Variants in CDC42SE1 observed in about 807,000 individuals in gnomAD.
The protein encoded by CDC42SE1 is CDC42 small effector protein 1.
Under a neutral mutation model 10.9 loss-of-function variants are expected in CDC42SE1, and 10 were observed. The ratio of observed to expected loss-of-function variants is 0.92; its 90% CI spans 0.57 to 1.56. CDC42SE1 has a LOEUF of 1.56. CDC42SE1 is among the 40% of genes most tolerant of loss of function. CDC42SE1 has a pLI of 0.00. For missense variants in CDC42SE1, 81 were observed against 100.8 expected (o/e 0.80, Z 0.84); for synonymous variants, 24 against 32.0 (o/e 0.75, Z 0.85).
At position 151,052,812 on chromosome 1, in the gene CDC42SE1, T is replaced by C. The variant is rs781671983; in HGVS notation, c.*532A>G. 2 of 152,208 alleles carry C rather than the reference T, an allele frequency of 1.3e-5. No individual in the cohort carries two copies. The highest frequency in any genetic ancestry group is 2.9e-5 in the Non-Finnish European group (2 of 68,080). 9.4% of individuals were successfully genotyped at this position (152,208 alleles called of 1,614,324 possible). ...GGCTGTAAGCCTAAGGTTTGAAATC[T>C]AAAGATAGAGTGGAAAAGGGAGTAG... On this transcript the variant is annotated 3_prime_UTR_variant, in exon 5 of 5. Transcript: ENST00000357235.
In CDC42SE1 at chr1:151,057,459, G is replaced by A. The variant is rs972280367; in HGVS notation, c.-263-1466C>T. Among the ~76,000 whole-genome samples the A allele has an allele frequency of 6.6e-6, 1 of 151,620 alleles. No individual in the cohort carries two copies. The highest frequency in any genetic ancestry group is 1.5e-5 in the Non-Finnish European group (1 of 67,894). ...AATCGCTTGAACCGGAGATTGCAGT[G>A]AGCCGAGATCGCCACTGCACTCCAG... On this transcript the variant is annotated intron_variant, in intron 1 of 4. Coordinates refer to ENST00000357235, the MANE Select transcript of CDC42SE1 (RefSeq NM_020239.4). This position sits in a 1 kb window ranked among gnomAD's most constrained non-coding sequence, Gnocchi z 4.0.
rs1676312839 is a variant in CDC42SE1 at position 151,057,749 on chromosome 1, T to TC, written c.-264+1729_-264+1730insG. On this transcript the variant is annotated intron_variant, in intron 1 of 4. Transcript: ENST00000357235. This position sits in a 1 kb window ranked among gnomAD's most constrained non-coding sequence, Gnocchi z 4.0. ...CACACACACACACACAGAGGTTTTTTTTTTTTTTAACAGCCTTGAGATGAG... is the reference window on the plus strand; with the variant it reads ...CACACACACACACACAGAGGTTTTTTCTTTTTTTTAACAGCCTTGAGATGAG... 1.3e-5 allele frequency: 2 copies of TC among 151,188 alleles called. No individual in the cohort carries two copies. The highest frequency in any genetic ancestry group is 2.9e-5 in the Non-Finnish European group (2 of 68,070). The allele number at this position is 151,188 out of a possible 1,614,324, so 9.4% of individuals were successfully genotyped here.
chr1:151,054,213 G>A lies in CDC42SE1; in HGVS notation c.*16+18C>T, dbSNP rs368219233. On this transcript the variant is annotated intron_variant, in intron 4 of 4. Coordinates refer to ENST00000357235, the MANE Select transcript of CDC42SE1 (RefSeq NM_020239.4). Reference sequence around the variant, plus strand: ...TTATGGGGGCTGAGGTGTTAGATGGGTTTCTCTAATCACTCACCATTCCAT... The same window carrying A: ...TTATGGGGGCTGAGGTGTTAGATGGATTTCTCTAATCACTCACCATTCCAT... 2 of 1,498,900 alleles carry A rather than the reference G, an allele frequency of 1.3e-6. No homozygotes were observed. The highest frequency in any genetic ancestry group is 1.4e-5 in the African/African-American group (1 of 72,570). The allele number at this position is 1,498,900 out of a possible 1,614,324, so 92.9% of individuals were successfully genotyped here.
rs1472131394 is a variant in CDC42SE1 at position 151,052,543 on chromosome 1, TAAATG to T, written c.*796_*800del. 1 of 152,610 alleles carries T rather than the reference TAAATG, an allele frequency of 6.6e-6. No individual in the cohort carries two copies. The highest frequency in any genetic ancestry group is 1.9e-4 in the East Asian group (1 of 5,176). The allele number at this position is 152,610 out of a possible 1,614,324, so 9.5% of individuals were successfully genotyped here. ...AGGGCAGGAAAGATGCCCCAAAACT[TAAATG>T]GAATGTCATCAGGTGAAGAGCTACC... On this transcript the variant is annotated 3_prime_UTR_variant, in exon 5 of 5. Transcript: ENST00000357235.
rs1003208437 is a variant in CDC42SE1 at position 151,057,431 on chromosome 1, G to A, written c.-263-1438C>T. 2.6e-5 allele frequency among the ~76,000 whole-genome samples: 4 copies of A among 152,188 alleles called. No homozygotes were observed. The highest frequency in any genetic ancestry group is 9.6e-5 in the African/African-American group (4 of 41,458). ...CCAGCTACTTGGGAGGCTGAGGCAG[G>A]AGAATCGCTTGAACCGGAGATTGCA... On this transcript the variant is annotated intron_variant, in intron 1 of 4. Transcript: ENST00000357235. This position sits in a 1 kb window ranked among gnomAD's most constrained non-coding sequence, Gnocchi z 4.0.
chr1:151,058,877 G>A (rs1676340069), intron 1 of CDC42SE1: 1 of 152,438 alleles, frequency 6.6e-6, no homozygotes, highest in Non-Finnish European at 1.5e-5. Flanking sequence ...TGAAGCAGCT[G>A]GAGAGAAAGA....
At chr1:151,053,990 C>T (rs1272390252) in intron 4 of CDC42SE1, among the ~76,000 whole-genome samples, 2 of 151,802 alleles carry the variant, frequency 1.3e-5, no homozygotes, top group Admixed American at 6.6e-5. Context: ...CCACTGTGCC[C>T]GGCTAATTTT....
chr1:151,055,633 AACTG>A, intron 2 of CDC42SE1, 40 bp downstream of exon 2: 1 of 1,516,134 alleles, frequency 6.6e-7, no homozygotes, highest in Non-Finnish European at 9.1e-7. Flanking sequence ...AGCACACAGT[AACTG>A]ACTGCTCTTT....
rs984859820 is a variant in CDC42SE1, at chr1:151,055,906, C to T, written c.-176G>A. 7.9e-6 allele frequency: 5 copies of T among 635,942 alleles called. No homozygotes were observed. Among genetic ancestry groups the T allele is most frequent in the Middle Eastern group, 4.0e-4 (1 of 2,514 alleles). 39.4% of individuals were successfully genotyped at this position (635,942 alleles called of 1,614,324 possible). A position where few individuals can be genotyped will look rare whatever the true frequency, so the allele number is the denominator to read the frequency against. On this transcript the variant is annotated 5_prime_UTR_variant, in exon 2 of 5. Coordinates refer to ENST00000357235, the MANE Select transcript of CDC42SE1 (RefSeq NM_020239.4). ...GAACCTTTAACTGAGCAGTGAAGGTCAGTGTCTCAGAGCCTGAGAGATGAA... is the reference window on the plus strand; with the variant it reads ...GAACCTTTAACTGAGCAGTGAAGGTTAGTGTCTCAGAGCCTGAGAGATGAA...
chr1:151,055,310 G>A (rs1676258837), intron 2 of CDC42SE1, 184 bp from the exon 3 acceptor site: 6 of 606,294 alleles, frequency 9.9e-6, no homozygotes, highest in Admixed American at 5.7e-5. Context: ...GCACACAGAA[G>A]ACATGAACCA....
chr1:151,055,072 C>G lies in CDC42SE1; in HGVS notation c.109G>C (p.Val37Leu). Residue 37 changes from valine (V) to leucine (L), a missense_variant, in exon 3 of 5, where the codon GTT becomes CTT. Physicochemically the swap from Val to Leu is conservative, Grantham distance 32. Coordinates refer to ENST00000357235, the MANE Select transcript of CDC42SE1 (RefSeq NM_020239.4). ...CCTGAGCCAATGTGAGTCAGGTGAA[C>G]AAAATTCATTGGTTCCCCAATCATG... ...RTMIGEPMNF[V>L]HLTHIGSGEM... 3 of 1,613,836 alleles carry G rather than the reference C, an allele frequency of 1.9e-6. No homozygotes were observed. The highest frequency in any genetic ancestry group is 1.7e-6 in the Non-Finnish European group (2 of 1,179,990).
rs1676206690 is a variant in CDC42SE1 at position 151,052,816 on chromosome 1, G to C, written c.*528C>G. On this transcript the variant is annotated 3_prime_UTR_variant, in exon 5 of 5. Coordinates refer to ENST00000357235, the MANE Select transcript of CDC42SE1 (RefSeq NM_020239.4). ...GTAAGCCTAAGGTTTGAAATCTAAA[G>C]ATAGAGTGGAAAAGGGAGTAGGCAC... 6.6e-6 allele frequency: 1 copy of C among 152,244 alleles called. No individual in the cohort carries two copies. The highest frequency in any genetic ancestry group is 2.4e-5 in the African/African-American group (1 of 41,440). The allele number at this position is 152,244 out of a possible 1,614,324, so 9.4% of individuals were successfully genotyped here. A position where few individuals can be genotyped will look rare whatever the true frequency, so the allele number is the denominator to read the frequency against.
chr1:151,052,969 T>A lies in CDC42SE1; in HGVS notation c.*375A>T, dbSNP rs587688447. 1 of 152,450 alleles carries A rather than the reference T, an allele frequency of 6.6e-6. No individual in the cohort carries two copies. The highest frequency in any genetic ancestry group is 1.9e-4 in the East Asian group (1 of 5,184). The allele number at this position is 152,450 out of a possible 1,614,324, so 9.4% of individuals were successfully genotyped here. A position where few individuals can be genotyped will look rare whatever the true frequency, so the allele number is the denominator to read the frequency against. ...GATAATCTCACCCACCTACCCCATT[T>A]AAGGAGTTCCAGGTTTAAGAGTTTA... On this transcript the variant is annotated 3_prime_UTR_variant, in exon 5 of 5. Coordinates refer to ENST00000357235, the MANE Select transcript of CDC42SE1 (RefSeq NM_020239.4).
chr1:151,054,437 C>G, intron 3 of CDC42SE1, 116 bp from the exon 4 acceptor site: 1 of 801,200 alleles, frequency 1.2e-6, no homozygotes. Context: ...TAGCAGCCAT[C>G]TGCTAACCAC....
Position 151,057,748 on chromosome 1 carries a change from T to G in CDC42SE1, c.-264+1731A>C, listed in dbSNP as rs1676312781. ...ACACACACACACACACAGAGGTTTT[T>G]TTTTTTTTTAACAGCCTTGAGATGA... On this transcript the variant is annotated intron_variant, in intron 1 of 4. Transcript: ENST00000357235. The surrounding 1 kb of genome is among the most constrained non-coding windows in gnomAD (Gnocchi z 4.0). 2 of 151,138 alleles carry G rather than the reference T, an allele frequency of 1.3e-5. No individual in the cohort carries two copies. The highest frequency in any genetic ancestry group is 1.9e-4 in the East Asian group (1 of 5,130). 9.4% of individuals were successfully genotyped at this position (151,138 alleles called of 1,614,324 possible).
At chr1:151,053,996 A>G (rs1307886244) in intron 4 of CDC42SE1, among the ~76,000 whole-genome samples, 1 of 151,430 alleles carries the variant, frequency 6.6e-6, no homozygotes, top group Admixed American at 6.6e-5. Flanking sequence ...TGCCCGGCTA[A>G]TTTTTGTATT....
Position 151,056,011 on chromosome 1 carries a change from A to G in CDC42SE1, c.-263-18T>C. 1 of 492,140 alleles carries G rather than the reference A, an allele frequency of 2.0e-6. No homozygotes were observed. Among genetic ancestry groups the G allele is most frequent in the Non-Finnish European group, 3.7e-6 (1 of 270,984 alleles). 30.5% of individuals were successfully genotyped at this position (492,140 alleles called of 1,614,324 possible). On this transcript the variant is annotated intron_variant, in intron 1 of 4. Coordinates refer to ENST00000357235, the MANE Select transcript of CDC42SE1 (RefSeq NM_020239.4). ...TCGGAACCCTGGATTAGAAGAAAGT[A>G]AAAAGAAAGATCAGTGAGAAATCTC...
At chr1:151,055,572 A>C in intron 2 of CDC42SE1, 105 bp downstream of exon 2, 1 of 919,970 alleles carries the variant, frequency 1.1e-6, no homozygotes. Context: ...AGAGGGAGGC[A>C]AGAAGTGTGC....
At chr1:151,055,588 T>C (rs1342883763) in intron 2 of CDC42SE1, 89 bp downstream of exon 2, 5 of 1,105,932 alleles carry the variant, frequency 4.5e-6, no homozygotes, top group Non-Finnish European at 6.8e-6. Flanking sequence ...TGTGCTTTTT[T>C]AGATGGCAGA....
Sources: gnomAD v4.1 joint callset for allele counts (sites outside exome capture counted in the v4.1 genomes callset) on GRCh38, gnomAD v4.1.1 for gene constraint, Gnocchi (gnomAD v3.1) non-coding constraint, MANE v1.5 for transcripts, NCBI Gene and HGNC (gene_info 2026-07-23, HGNC 2026-07-21) for gene names.